The following RBMS3 variants were observed in gnomAD, a reference collection of about 807,000 sequenced individuals.
RBMS3 encodes the protein RNA-binding motif, single-stranded-interacting protein 3.
A neutral mutation model predicts 66.8 loss-of-function variants in RBMS3; 27 were observed. The observed-to-expected ratio is 0.40, with a 90% CI of 0.30 to 0.56. The LOEUF is 0.56. Among genes scored for constraint, RBMS3 ranks in the 20% least tolerant of loss-of-function variants. RBMS3 has a pLI of 0.40. For missense variants in RBMS3, 513 were observed against 549.5 expected (o/e 0.93, Z 0.66); for synonymous variants, 188 against 183.0 (o/e 1.03, Z -0.22).
At chr3:29,927,730 C>G (rs969812488) in intron 10 of RBMS3, among the ~76,000 whole-genome samples, 18 of 152,110 alleles carry the variant, frequency 1.2e-4, no homozygotes, top group African/African-American at 4.3e-4. Flanking sequence ...GCTTCATGTG[C>G]ATGGGCTGGG....
intron 1 of RBMS3, among the ~76,000 whole-genome samples, chr3:29,296,998 TGA>T (rs1420563098): frequency 3.3e-5 from 5 of 151,536 alleles, no homozygotes; most frequent in Admixed American, 1.3e-4. Context: ...ATACATTTAG[TGA>T]GAGCAGAAAC....
At chr3:29,305,921 C>T (rs949936575) in intron 1 of RBMS3, among the ~76,000 whole-genome samples, 2 of 151,918 alleles carry the variant, frequency 1.3e-5, no homozygotes, top group African/African-American at 4.8e-5. Context: ...AGTTTGGGTC[C>T]CACTGACTCA....
chr3:29,834,320 G>C (rs1367739245), intron 6 of RBMS3, among the ~76,000 whole-genome samples: 2 of 152,036 alleles, frequency 1.3e-5, no homozygotes, highest in Non-Finnish European at 2.9e-5. Flanking sequence ...TGTAATGGTA[G>C]TGTGTTAATT....
chr3:29,805,325 T>A (rs1386908964), intron 6 of RBMS3, among the ~76,000 whole-genome samples: 3 of 152,084 alleles, frequency 2.0e-5, no homozygotes, highest in African/African-American at 7.2e-5. Flanking sequence ...TACTTGATCA[T>A]GATAATAAAT....
At chr3:29,939,379 T>G (rs1272003768) in intron 11 of RBMS3, among the ~76,000 whole-genome samples, 1 of 151,972 alleles carries the variant, frequency 6.6e-6, no homozygotes, top group Non-Finnish European at 1.5e-5. Flanking sequence ...GCCTGAGTTT[T>G]GGGCAAATAG....
At chr3:29,998,576 C>T (rs533969595) in intron 14 of RBMS3, among the ~76,000 whole-genome samples, 2 of 152,206 alleles carry the variant, frequency 1.3e-5, no homozygotes, top group African/African-American at 4.8e-5. Context: ...AGATACAGAC[C>T]AATGGAACAG....
At chr3:29,930,742 A>C (rs1187778306) in intron 10 of RBMS3, among the ~76,000 whole-genome samples, 2 of 151,256 alleles carry the variant, frequency 1.3e-5, no homozygotes, top group East Asian at 3.9e-4. Context: ...ATATATATAT[A>C]TTTATATGTC....
intron 3 of RBMS3, among the ~76,000 whole-genome samples, chr3:29,490,166 TAATTTAAAATTAA>T (rs145376988): frequency 0.17 from 25,686 of 151,278 alleles, 3,003 homozygotes; most frequent in African/African-American, 0.32. Context: ...AAATTAAATT[TAATTTAAAATTAA>T]AATTTAAAAT....
intron 12 of RBMS3, among the ~76,000 whole-genome samples, chr3:29,963,653 C>A (rs563450828): frequency 6.6e-6 from 1 of 151,846 alleles, no homozygotes; most frequent in Non-Finnish European, 1.5e-5. Context: ...CATGGTGAAC[C>A]CCCATCTCCA....
intron 14 of RBMS3, among the ~76,000 whole-genome samples, chr3:29,993,839 A>G (rs1699038091): frequency 6.6e-6 from 1 of 152,230 alleles, no homozygotes; most frequent in South Asian, 2.1e-4. Flanking sequence ...TGCCAGCTGC[A>G]GATCATTGTA....
intron 8 of RBMS3, among the ~76,000 whole-genome samples, chr3:29,888,718 C>T (rs1181048164): frequency 1.5e-4 from 22 of 151,610 alleles, no homozygotes; most frequent in Admixed American, 9.9e-4. Flanking sequence ...TCAAACAAAA[C>T]GCACATATCA....
chr3:29,579,894 A>G (rs2047264906), intron 3 of RBMS3, among the ~76,000 whole-genome samples: 1 of 152,212 alleles, frequency 6.6e-6, no homozygotes, highest in Admixed American at 6.5e-5. Flanking sequence ...TAGTGACTGC[A>G]CTAAGCCCAT....
At chr3:29,683,131 C>T (rs2051567649) in intron 4 of RBMS3, among the ~76,000 whole-genome samples, 1 of 152,176 alleles carries the variant, frequency 6.6e-6, no homozygotes, top group Non-Finnish European at 1.5e-5. Context: ...CGGCTTCCTA[C>T]ATAACACTTC....
chr3:29,764,382 C>CTT (rs11479392), intron 6 of RBMS3, among the ~76,000 whole-genome samples: 1 of 148,526 alleles, frequency 6.7e-6, no homozygotes, highest in Non-Finnish European at 1.5e-5. Flanking sequence ...AGCAGAAATA[C>CTT]TTTTTTTTTT....
chr3:29,532,647 T>C (rs1025123380), intron 3 of RBMS3, among the ~76,000 whole-genome samples: 10 of 152,072 alleles, frequency 6.6e-5, no homozygotes, highest in Non-Finnish European at 1.3e-4. Context: ...GGGAATTGCT[T>C]GAGCTTAGGA....
intron 1 of RBMS3, among the ~76,000 whole-genome samples, chr3:29,351,131 T>A (rs1160705858): frequency 6.6e-6 from 1 of 152,136 alleles, no homozygotes; most frequent in Non-Finnish European, 1.5e-5. Flanking sequence ...ACCTCATTCT[T>A]TTTAATAGCA....
intron 3 of RBMS3, among the ~76,000 whole-genome samples, chr3:29,549,397 A>ATT (rs5847580): frequency 9.0e-4 from 122 of 135,502 alleles, no homozygotes; most frequent in African/African-American, 2.0e-3. Context: ...AATTGGATTG[A>ATT]TTTTTTTTTT....
At chr3:29,325,501 CAT>C (rs376398023) in intron 1 of RBMS3, among the ~76,000 whole-genome samples, 3,427 of 149,012 alleles carry the variant, frequency 0.023, 51 homozygotes, top group Non-Finnish European at 0.031. Context: ...CCATTAAATG[CAT>C]ATATATATAT....
intron 4 of RBMS3, among the ~76,000 whole-genome samples, chr3:29,652,482 TATCACAA>T (rs1053979764): frequency 1.3e-5 from 2 of 152,118 alleles, no homozygotes; most frequent in African/African-American, 4.8e-5. Context: ...ATTTAATATT[TATCACAA>T]ATCAATGGTT....
Sources: gnomAD v4.1 joint callset for allele counts (sites outside exome capture counted in the v4.1 genomes callset) on GRCh38, gnomAD v4.1.1 for gene constraint, MANE v1.5 for transcripts, NCBI Gene and HGNC (gene_info 2026-07-23, HGNC 2026-07-21) for gene names.